FAM185A: variants seen among roughly 807,000 people sequenced by gnomAD.
The protein encoded by FAM185A is protein FAM185A.
In FAM185A, 21 loss-of-function variants were observed where a neutral mutation model predicts 45.7. The observed-to-expected ratio is 0.46, with a 90% CI of 0.33 to 0.66. The LOEUF (loss-of-function observed/expected upper bound fraction) is 0.66. Among genes scored for constraint, FAM185A ranks in the 30% least tolerant of loss-of-function variants. The pLI is 0.03. For missense variants in FAM185A, 305 were observed against 485.4 expected (o/e 0.63, Z 3.49); for synonymous variants, 117 against 194.0 (o/e 0.60, Z 3.30).
chr7:102,833,004 C>T, the FAM185A span: 7 of 1,612,488 alleles, frequency 4.3e-6, no homozygotes, highest in South Asian at 5.5e-5. Flanking sequence ...CAAATTTTTT[C>T]TTTTCTTTAG....
intron 7 of FAM185A, among the ~76,000 whole-genome samples, chr7:102,807,954 C>G (rs148674381): frequency 1.7e-3 from 265 of 152,150 alleles, no homozygotes; most frequent in African/African-American, 6.2e-3. Context: ...CCAGCTACTT[C>G]GGAGTCTGAG....
chr7:102,825,406 G>A, the FAM185A span, among the ~76,000 whole-genome samples: 1,655 of 152,246 alleles, frequency 0.011, 35 homozygotes, highest in African/African-American at 0.038. Flanking sequence ...GATTCCCTGC[G>A]TTGCCTTGGA....
At chr7:102,831,431 A>ACACCCCCCCC in the FAM185A span, among the ~76,000 whole-genome samples, 3 of 147,124 alleles carry the variant, frequency 2.0e-5, no homozygotes, top group African/African-American at 7.5e-5. Flanking sequence ...ACACACACAC[A>ACACCCCCCCC]CCCCACTACA....
chr7:102,848,895 G>C, the FAM185A span, among the ~76,000 whole-genome samples: 1 of 152,142 alleles, frequency 6.6e-6, no homozygotes, highest in African/African-American at 2.4e-5. Flanking sequence ...AGCTACTCGG[G>C]AGGCTGAGGC....
the FAM185A span, among the ~76,000 whole-genome samples, chr7:102,839,613 A>G: frequency 6.6e-6 from 1 of 151,966 alleles, no homozygotes; most frequent in East Asian, 1.9e-4. Context: ...ACGCCCAGCT[A>G]ATTTTTGTAT....
intron 6 of FAM185A, among the ~76,000 whole-genome samples, chr7:102,781,390 C>A (rs1194719424): frequency 2.0e-5 from 3 of 152,352 alleles, no homozygotes; most frequent in African/African-American, 7.2e-5. Flanking sequence ...CCCCGAGTAG[C>A]CTAACTGGGA....
chr7:102,755,045 T>C, intron 2 of FAM185A: 1 of 384,242 alleles, frequency 2.6e-6, no homozygotes, highest in Non-Finnish European at 4.6e-6. Context: ...AAGAAAAAAA[T>C]GCATGTCTAT....
chr7:102,849,958 A>G, the FAM185A span, among the ~76,000 whole-genome samples: 4 of 152,248 alleles, frequency 2.6e-5, no homozygotes, highest in South Asian at 4.2e-4. Flanking sequence ...ACGCATACCT[A>G]TGAAACAAAC....
intron 4 of FAM185A, among the ~76,000 whole-genome samples, chr7:102,768,007 T>A (rs140255219): frequency 0.014 from 1,918 of 139,250 alleles, 129 homozygotes; most frequent in African/African-American, 0.047. Flanking sequence ...TTTTTCCTGC[T>A]AATTTCTACA....
intron 2 of FAM185A, among the ~76,000 whole-genome samples, chr7:102,752,104 T>C (rs1235421982): frequency 6.6e-6 from 1 of 152,044 alleles, no homozygotes; most frequent in African/African-American, 2.4e-5. Context: ...CCACAAATGA[T>C]TTTCTTCCAT....
intron 1 of FAM185A, among the ~76,000 whole-genome samples, chr7:102,750,316 C>A (rs1793285243): frequency 6.6e-6 from 1 of 152,198 alleles, no homozygotes. Flanking sequence ...CCCAGACTGT[C>A]ATTCTTCCTG....
At chr7:102,822,052 G>T in the FAM185A span, 1 of 1,614,184 alleles carries the variant, frequency 6.2e-7, no homozygotes, top group Non-Finnish European at 8.5e-7. Context: ...GGAAATATTT[G>T]TGCAGTATTG....
Position 102,755,857 on chromosome 7 carries a change from A to G in FAM185A, c.562-1997A>G, listed in dbSNP as rs558424325. 8.3e-4 allele frequency: 543 copies of G among 651,160 alleles called. 3 individuals carry two copies. Among genetic ancestry groups the G allele is most frequent in the South Asian group, 1.3e-3 (82 of 61,752 alleles). The allele number at this position is 651,160 out of a possible 1,614,324, so 40.3% of individuals were successfully genotyped here. On this transcript the variant is annotated intron_variant, in intron 2 of 7. Coordinates refer to ENST00000413034, the MANE Select transcript of FAM185A (RefSeq NM_001145268.2). Reference sequence around the variant, plus strand: ...GAGACCCACTGTCACTGGGACGGCAATGTCCTGGGTCCCAAGTCTGTGGCT... The same window carrying G: ...GAGACCCACTGTCACTGGGACGGCAGTGTCCTGGGTCCCAAGTCTGTGGCT...
intron 6 of FAM185A, among the ~76,000 whole-genome samples, 172 bp from the exon 7 acceptor site, chr7:102,787,163 G>T (rs889349371): frequency 6.6e-6 from 1 of 152,188 alleles, no homozygotes; most frequent in African/African-American, 2.4e-5. Flanking sequence ...TGCCTTGAGA[G>T]TAAGGGAACT....
In FAM185A at chr7:102,808,652, G is replaced by T; in HGVS notation, c.*250G>T. 8.4e-6 allele frequency: 3 copies of T among 357,454 alleles called. No homozygotes were observed. The East Asian group carries it at 1.6e-4, about 19-fold the overall frequency. 22.1% of individuals were successfully genotyped at this position (357,454 alleles called of 1,614,324 possible). A position where few individuals can be genotyped will look rare whatever the true frequency, so the allele number is the denominator to read the frequency against. The stretch of plus-strand genomic sequence containing the variant: ...ATTTACAGCTATGTCTAGGTTCTCC[G>T]CTCAGGGAATCACAAGGCTAGAAAT... On this transcript the variant is annotated 3_prime_UTR_variant, in exon 8 of 8. Coordinates refer to ENST00000413034, the MANE Select transcript of FAM185A (RefSeq NM_001145268.2).
intron 7 of FAM185A, among the ~76,000 whole-genome samples, chr7:102,800,981 A>C (rs1016209617): frequency 1.3e-5 from 2 of 152,252 alleles, no homozygotes; most frequent in African/African-American, 4.8e-5. Flanking sequence ...ACTGTGAGAC[A>C]AAAGCACCAG....
At chr7:102,757,991 C>G (rs1442110297) in intron 3 of FAM185A, 45 bp downstream of exon 3, 1 of 1,544,086 alleles carries the variant, frequency 6.5e-7, no homozygotes, top group Non-Finnish European at 8.7e-7. Flanking sequence ...TGCAACTTTG[C>G]TTCCATTTGG....
intron 2 of FAM185A, among the ~76,000 whole-genome samples, chr7:102,757,259 G>C (rs1793805569): frequency 6.6e-6 from 1 of 151,940 alleles, no homozygotes; most frequent in South Asian, 2.1e-4. Context: ...CGTTAAGAGT[G>C]TGGGCTTTGG....
intron 2 of FAM185A, among the ~76,000 whole-genome samples, chr7:102,757,268 G>C (rs1793806245): frequency 6.6e-6 from 1 of 151,840 alleles, no homozygotes; most frequent in Non-Finnish European, 1.5e-5. Flanking sequence ...TGTGGGCTTT[G>C]GAATCATACA....
Sources: gnomAD v4.1 joint callset for allele counts (sites outside exome capture counted in the v4.1 genomes callset) on GRCh38, gnomAD v4.1.1 for gene constraint, MANE v1.5 for transcripts, NCBI Gene and HGNC (gene_info 2026-07-23, HGNC 2026-07-21) for gene names.